MBD5: variants seen among roughly 807,000 people sequenced by gnomAD.
MBD5 encodes the protein methyl-CpG binding domain protein 5.
Under a neutral mutation model 117.3 loss-of-function variants are expected in MBD5, and 13 were observed. The ratio of observed to expected loss-of-function variants is 0.11; its 90% CI spans 0.07 to 0.18. MBD5 has a LOEUF of 0.18. MBD5 is among the 10% of genes least tolerant of loss of function. MBD5 has a pLI of 1.00. For missense variants in MBD5, 1,879 were observed against 2,093.8 expected (o/e 0.90, Z 2.00); for synonymous variants, 727 against 766.4 (o/e 0.95, Z 0.85).
chr2:148,480,995 A>G (rs1420229281), intron 8 of MBD5, among the ~76,000 whole-genome samples: 1 of 152,160 alleles, frequency 6.6e-6, no homozygotes. Flanking sequence ...CACCACTACT[A>G]TGACTACTAA....
intron 4 of MBD5, among the ~76,000 whole-genome samples, chr2:148,357,986 T>TC (rs767647006): frequency 2.6e-5 from 4 of 152,170 alleles, no homozygotes; most frequent in Non-Finnish European, 5.9e-5. Context: ...TCTTGTCTAC[T>TC]CTAGGCTGAG....
At chr2:148,046,632 C>T (rs1694542349) in intron 1 of MBD5, among the ~76,000 whole-genome samples, 2 of 152,212 alleles carry the variant, frequency 1.3e-5, no homozygotes, top group South Asian at 4.1e-4. Context: ...AATTGTTTTC[C>T]TTCCTAATTC....
intron 3 of MBD5, among the ~76,000 whole-genome samples, chr2:148,336,860 G>A (rs542809995): frequency 1.1e-4 from 16 of 152,140 alleles, no homozygotes; most frequent in South Asian, 6.2e-4. Context: ...TGTCAGTTCC[G>A]CTTGCTTGGC....
rs556768118 is a variant in MBD5, at chr2:148,468,329, C to T, written c.398-12C>T. On this transcript the variant is annotated splice_polypyrimidine_tract_variant and intron_variant, in intron 7 of 13. Transcript: ENST00000642680. ...ACTGTTAACAGAATTCTTTTTTTCT[C>T]TTTCACATCAGATGCAACTCCAGTA... The T allele has an allele frequency of 2.3e-4, 368 of 1,611,096 alleles. 2 individuals are homozygous for T. In the South Asian group the frequency reaches 3.9e-3, roughly 17 times the overall value.
intron 1 of MBD5, among the ~76,000 whole-genome samples, chr2:148,081,257 A>T (rs1695640231): frequency 6.6e-6 from 1 of 152,182 alleles, no homozygotes; most frequent in African/African-American, 2.4e-5. Context: ...GTACAAAGGT[A>T]GGGTTCTTGA....
intron 1 of MBD5, among the ~76,000 whole-genome samples, chr2:148,113,239 C>T (rs1696544545): frequency 6.6e-6 from 1 of 152,116 alleles, no homozygotes; most frequent in African/African-American, 2.4e-5. Context: ...TCTTCTTACC[C>T]TTTGTAATAA....
chr2:148,179,958 G>A (rs1698483389), intron 2 of MBD5, among the ~76,000 whole-genome samples: 1 of 151,770 alleles, frequency 6.6e-6, no homozygotes, highest in Admixed American at 6.6e-5. Flanking sequence ...TTTTTCCTTT[G>A]AAAAAAAGTT....
At chr2:148,292,869 AC>A (rs1475406951) in intron 3 of MBD5, among the ~76,000 whole-genome samples, 1 of 151,372 alleles carries the variant, frequency 6.6e-6, no homozygotes, top group African/African-American at 2.4e-5. Context: ...GTACCTATAC[AC>A]AACAGAGTAC....
intron 3 of MBD5, among the ~76,000 whole-genome samples, chr2:148,290,194 GTGACCTAC>G (rs927551621): frequency 2.7e-5 from 4 of 148,518 alleles, no homozygotes; most frequent in African/African-American, 1.0e-4. Context: ...CTGACCTCAG[GTGACCTAC>G]CTGCCTCAGC....
chr2:148,360,179 T>C (rs1703493718), intron 4 of MBD5, among the ~76,000 whole-genome samples: 1 of 152,146 alleles, frequency 6.6e-6, no homozygotes, highest in African/African-American at 2.4e-5. Flanking sequence ...CATGTCTCTT[T>C]TATATAAATA....
chr2:148,458,417 G>A lies in MBD5; in HGVS notation c.-342G>A. 1.8e-6 allele frequency: 1 copy of A among 542,670 alleles called. No homozygotes were observed. The highest frequency in any genetic ancestry group is 2.8e-5 in the East Asian group (1 of 35,326). The allele number at this position is 542,670 out of a possible 1,614,324, so 33.6% of individuals were successfully genotyped here. ...AACATCAAGGTTCAAGACAAATGTTGAACTAAAAACTTTACACTCCCCACC... is the reference window on the plus strand; with the variant it reads ...AACATCAAGGTTCAAGACAAATGTTAAACTAAAAACTTTACACTCCCCACC... On this transcript the variant is annotated 5_prime_UTR_variant, in exon 5 of 14. Transcript: ENST00000642680.
At chr2:148,396,182 C>T (rs964585049) in intron 4 of MBD5, among the ~76,000 whole-genome samples, 1 of 152,172 alleles carries the variant, frequency 6.6e-6, no homozygotes, top group Non-Finnish European at 1.5e-5. Flanking sequence ...AACCAGTGAT[C>T]TTCCAGTTGT....
At chr2:148,382,193 C>T (rs193105299) in intron 4 of MBD5, among the ~76,000 whole-genome samples, 1 of 151,356 alleles carries the variant, frequency 6.6e-6, no homozygotes, top group African/African-American at 2.4e-5. Flanking sequence ...CATCAGTGTG[C>T]TGTATTCAGG....
chr2:148,495,669 T>C (rs964381826), intron 11 of MBD5, among the ~76,000 whole-genome samples: 6 of 152,242 alleles, frequency 3.9e-5, no homozygotes, highest in African/African-American at 1.4e-4. Context: ...ATGAAGACAT[T>C]ATTTTCAAAG....
intron 4 of MBD5, among the ~76,000 whole-genome samples, chr2:148,417,926 G>A (rs1263237443): frequency 2.0e-5 from 3 of 151,610 alleles, no homozygotes; most frequent in Admixed American, 6.6e-5. Context: ...TGTGACCTCC[G>A]CCTCCTGGGC....
chr2:148,144,568 T>G (rs1040254998), intron 1 of MBD5, among the ~76,000 whole-genome samples: 2 of 152,316 alleles, frequency 1.3e-5, no homozygotes, highest in Admixed American at 1.3e-4. Context: ...TTCTAGGGTT[T>G]TTATGGTTTT....
At chr2:148,401,919 C>T (rs1168875455) in intron 4 of MBD5, among the ~76,000 whole-genome samples, 1 of 152,020 alleles carries the variant, frequency 6.6e-6, no homozygotes, top group Non-Finnish European at 1.5e-5. Context: ...ACTATTCAGG[C>T]ATTTTGTAGA....
At chr2:148,433,477 G>T (rs1250852694) in intron 4 of MBD5, among the ~76,000 whole-genome samples, 1 of 152,172 alleles carries the variant, frequency 6.6e-6, no homozygotes, top group Non-Finnish European at 1.5e-5. Flanking sequence ...TATGATATTG[G>T]CTGTGGGTTT....
chr2:148,121,093 T>C (rs1696758306), intron 1 of MBD5, among the ~76,000 whole-genome samples: 1 of 152,198 alleles, frequency 6.6e-6, no homozygotes, highest in Non-Finnish European at 1.5e-5. Flanking sequence ...AACAGCATTG[T>C]CTAGTGCATC....
Sources: gnomAD v4.1 joint callset for allele counts (sites outside exome capture counted in the v4.1 genomes callset) on GRCh38, gnomAD v4.1.1 for gene constraint, MANE v1.5 for transcripts, NCBI Gene and HGNC (gene_info 2026-07-23, HGNC 2026-07-21) for gene names.